The following APLF variants were observed in gnomAD, a reference collection of about 807,000 sequenced individuals.
APLF encodes aprataxin and PNK-like factor.
APLF carries 61 observed loss-of-function variants against 55.6 expected under a neutral mutation model. The observed-to-expected ratio is 1.10, with a 90% CI of 0.89 to 1.36. The LOEUF (loss-of-function observed/expected upper bound fraction) is 1.36, where lower values mean the gene tolerates loss of function less well. Among genes scored for constraint, APLF ranks in the 40% most tolerant of loss-of-function variants. The pLI is 0.00. For missense variants in APLF, 611 were observed against 602.5 expected, an observed-to-expected ratio of 1.01 and a Z score of -0.15; for synonymous variants, 207 against 214.8, an observed-to-expected ratio of 0.96 and a Z score of 0.32.
chr2:68,537,174 A>G (rs1377591538), intron 6 of APLF, among the ~76,000 whole-genome samples: 1 of 152,040 alleles, frequency 6.6e-6, no homozygotes, highest in Non-Finnish European at 1.5e-5. Context: ...CAAAAAAAAA[A>G]AAAAGAGAAA....
At chr2:68,508,498 T>C (rs1676943047) in intron 3 of APLF, among the ~76,000 whole-genome samples, 1 of 151,800 alleles carries the variant, frequency 6.6e-6, no homozygotes. Flanking sequence ...GCACTAAAAC[T>C]ACAAAACTCT....
intron 5 of APLF, among the ~76,000 whole-genome samples, chr2:68,520,033 C>T (rs1223154705): frequency 2.0e-5 from 3 of 151,870 alleles, no homozygotes; most frequent in Non-Finnish European, 4.4e-5. Flanking sequence ...GGTGATAATG[C>T]ACTGTGGTTT....
At chr2:68,500,342 T>C (rs1481892103) in intron 2 of APLF, among the ~76,000 whole-genome samples, 1 of 152,202 alleles carries the variant, frequency 6.6e-6, no homozygotes, top group Admixed American at 6.5e-5. Flanking sequence ...TTCACTTTCT[T>C]TGTGGCTGGA....
At chr2:68,563,881 A>G (rs761421616) in intron 8 of APLF, among the ~76,000 whole-genome samples, 3 of 152,096 alleles carry the variant, frequency 2.0e-5, no homozygotes, top group Non-Finnish European at 2.9e-5. Context: ...TAGATAGATA[A>G]TAACAGTAAG....
intron 9 of APLF, among the ~76,000 whole-genome samples, chr2:68,575,936 A>G (rs999368717): frequency 6.6e-6 from 1 of 152,152 alleles, no homozygotes; most frequent in African/African-American, 2.4e-5. Flanking sequence ...ATAAGACTGG[A>G]TGGAATCATC....
chr2:68,556,408 G>A (rs1376254181), intron 8 of APLF, among the ~76,000 whole-genome samples: 1 of 152,156 alleles, frequency 6.6e-6, no homozygotes, highest in African/African-American at 2.4e-5. Context: ...TATTCTTTTT[G>A]TGCTGTCCAC....
chr2:68,491,109 T>C (rs999204931), intron 2 of APLF, among the ~76,000 whole-genome samples: 16 of 152,210 alleles, frequency 1.1e-4, no homozygotes, highest in African/African-American at 3.9e-4. Context: ...ATTTTTTGAA[T>C]AAAAAATTAT....
chr2:68,526,875 A>G (rs1427226813), intron 6 of APLF, among the ~76,000 whole-genome samples: 1 of 152,148 alleles, frequency 6.6e-6, no homozygotes, highest in East Asian at 1.9e-4. Flanking sequence ...TTCAGTAGAG[A>G]CGGAGTTTCA....
At chr2:68,499,934 G>A (rs897828146) in intron 2 of APLF, among the ~76,000 whole-genome samples, 8 of 152,138 alleles carry the variant, frequency 5.3e-5, no homozygotes, top group African/African-American at 1.9e-4. Flanking sequence ...TTAGGTAATT[G>A]TCTCTTTTGG....
At chr2:68,558,600 A>G (rs548522959) in intron 8 of APLF, among the ~76,000 whole-genome samples, 2 of 152,318 alleles carry the variant, frequency 1.3e-5, no homozygotes, top group South Asian at 2.1e-4. Context: ...TCACTGATCT[A>G]GGAGCTTATG....
intron 2 of APLF, among the ~76,000 whole-genome samples, chr2:68,493,789 C>A (rs780985125): frequency 1.3e-5 from 2 of 152,152 alleles, no homozygotes; most frequent in African/African-American, 4.8e-5. Flanking sequence ...CATGGTGAAA[C>A]CCTGTCTCTA....
chr2:68,545,757 C>T (rs1419753534), intron 8 of APLF, among the ~76,000 whole-genome samples: 1 of 152,168 alleles, frequency 6.6e-6, no homozygotes, highest in Non-Finnish European at 1.5e-5. Context: ...TCTCAGTTTT[C>T]ATGGCATCTT....
chr2:68,551,869 G>A (rs186643966), intron 8 of APLF, among the ~76,000 whole-genome samples: 4 of 151,492 alleles, frequency 2.6e-5, no homozygotes, highest in Admixed American at 2.6e-4. Context: ...CCTAGATGTT[G>A]TCTTCCATCA....
chr2:68,478,804 T>C (rs536022658), intron 1 of APLF, among the ~76,000 whole-genome samples: 1 of 152,334 alleles, frequency 6.6e-6, no homozygotes, highest in African/African-American at 2.4e-5. Flanking sequence ...GATAGCCAGT[T>C]CTACTGTTTT....
chr2:68,569,711 G>A (rs1460220325), intron 9 of APLF, among the ~76,000 whole-genome samples: 2 of 152,094 alleles, frequency 1.3e-5, no homozygotes, highest in East Asian at 1.9e-4. Context: ...GAACTAGGGC[G>A]GCCATCATGA....
intron 7 of APLF, among the ~76,000 whole-genome samples, chr2:68,544,235 T>C (rs550070360): frequency 1.3e-5 from 2 of 152,242 alleles, no homozygotes; most frequent in South Asian, 4.1e-4. Flanking sequence ...CTCCTCGGCC[T>C]CCCAAAGTGC....
At chr2:68,472,770 A>G (rs1208344217) in intron 1 of APLF, among the ~76,000 whole-genome samples, 1 of 152,156 alleles carries the variant, frequency 6.6e-6, no homozygotes, top group African/African-American at 2.4e-5. Context: ...GTAGGTGTTG[A>G]CCAGGCTTGT....
intron 9 of APLF, among the ~76,000 whole-genome samples, chr2:68,572,615 C>A (rs927400803): frequency 6.6e-6 from 1 of 152,158 alleles, no homozygotes. Flanking sequence ...GCAGGAGGAT[C>A]GCTTGAGCCC....
chr2:68,551,131 G>C (rs1264711729), intron 8 of APLF, among the ~76,000 whole-genome samples: 1 of 151,880 alleles, frequency 6.6e-6, no homozygotes, highest in Non-Finnish European at 1.5e-5. Context: ...TGTAATTCTA[G>C]CTTAGCATAC....
Sources: gnomAD v4.1 joint callset for allele counts (sites outside exome capture counted in the v4.1 genomes callset) on GRCh38, gnomAD v4.1.1 for gene constraint, MANE v1.5 for transcripts, NCBI Gene and HGNC (gene_info 2026-07-23, HGNC 2026-07-21) for gene names.